The following TXNDC16 variants were observed in gnomAD, a reference collection of about 807,000 sequenced individuals.
TXNDC16 encodes thioredoxin domain-containing protein 16.
In TXNDC16, 74 loss-of-function variants were observed where a neutral mutation model predicts 85.6. The observed-to-expected ratio is 0.86, with a 90% CI of 0.72 to 1.05. The LOEUF is 1.05. Ranked by LOEUF, TXNDC16 falls within the 50% of genes least tolerant of loss-of-function variation. TXNDC16 has a pLI of 0.00. For synonymous variants in TXNDC16, 335 were observed against 326.5 expected (o/e 1.03, Z -0.28); for missense variants, 959 against 947.0 (o/e 1.01, Z -0.17).
chr14:52,437,059 G>T (rs2035045295), intron 20 of TXNDC16, among the ~76,000 whole-genome samples: 1 of 151,896 alleles, frequency 6.6e-6, no homozygotes, highest in South Asian at 2.1e-4. Flanking sequence ...CAGGCCTATT[G>T]TTGCCACAAC....
At chr14:52,526,163 T>A (rs1469956429) in intron 6 of TXNDC16, among the ~76,000 whole-genome samples, 2 of 152,126 alleles carry the variant, frequency 1.3e-5, no homozygotes, top group Non-Finnish European at 2.9e-5. Flanking sequence ...AATGAACCAC[T>A]CAATTTTACC....
intron 14 of TXNDC16, 26 bp from the exon 15 acceptor site, chr14:52,470,706 G>A (rs185253942): frequency 1.3e-6 from 2 of 1,569,624 alleles, no homozygotes; most frequent in Middle Eastern, 1.9e-4. Flanking sequence ...ATGCACATTT[G>A]TAATTACTAA....
chr14:52,474,239 G>A (rs1342380119), intron 14 of TXNDC16, among the ~76,000 whole-genome samples: 2 of 152,172 alleles, frequency 1.3e-5, no homozygotes, highest in African/African-American at 2.4e-5. Context: ...AAATGGGGTG[G>A]AGAGAGGGAT....
chr14:52,523,063 C>T (rs998457074), intron 6 of TXNDC16, among the ~76,000 whole-genome samples: 1 of 152,084 alleles, frequency 6.6e-6, no homozygotes, highest in Non-Finnish European at 1.5e-5. Context: ...TAATATATTC[C>T]TTAATATATT....
chr14:52,478,010 A>T (rs1021446760), intron 14 of TXNDC16, among the ~76,000 whole-genome samples: 1 of 152,174 alleles, frequency 6.6e-6, no homozygotes, highest in African/African-American at 2.4e-5. Context: ...AAAACTGGAA[A>T]TCAACTTCAA....
intron 8 of TXNDC16, among the ~76,000 whole-genome samples, chr14:52,512,119 G>T (rs950776877): frequency 6.6e-6 from 1 of 152,026 alleles, no homozygotes; most frequent in Non-Finnish European, 1.5e-5. Context: ...AGCTGACAAG[G>T]TTCACTGATT....
intron 6 of TXNDC16, among the ~76,000 whole-genome samples, chr14:52,530,311 AATAT>A (rs1195359864): frequency 2.0e-5 from 1 of 50,948 alleles, no homozygotes; most frequent in Non-Finnish European, 3.2e-5. Context: ...ATTAATATAT[AATAT>A]ATAATTATTT....
In TXNDC16 at chr14:52,432,573, G is replaced by T. The variant is rs1437885627; in HGVS notation, c.2209C>A (p.Gln737Lys). 1.2e-6 allele frequency: 2 copies of T among 1,605,892 alleles called. No individual in the cohort carries two copies. Among genetic ancestry groups the T allele is most frequent in the South Asian group, 2.2e-5 (2 of 89,204 alleles). ...LENHITILPA[Q>K]EWKPPLPAYD... ...GCTGGAAGAGGAGGTTTCCATTCTT[G>T]AGCAGGTAAAATTGCTGGAAGGAAG... is the stretch of plus-strand genomic sequence containing the variant. Residue 737 changes from glutamine to lysine, a missense_variant, in exon 21 of 21, where the codon CAA (glutamine) becomes AAA (lysine). Coordinates refer to ENST00000281741, the MANE Select transcript of TXNDC16 (RefSeq NM_020784.3).
chr14:52,445,560 C>G (rs909751385), intron 18 of TXNDC16, among the ~76,000 whole-genome samples: 2 of 152,188 alleles, frequency 1.3e-5, no homozygotes, highest in South Asian at 4.1e-4. Flanking sequence ...TCAGGTAACA[C>G]AGGTTACATT....
At chr14:52,479,014 C>T (rs893236654) in intron 14 of TXNDC16, among the ~76,000 whole-genome samples, 1 of 152,004 alleles carries the variant, frequency 6.6e-6, no homozygotes, top group Non-Finnish European at 1.5e-5. Context: ...TTAAAATACA[C>T]AAGTCAATAA....
At chr14:52,492,284 T>A (rs1255126759) in intron 9 of TXNDC16, among the ~76,000 whole-genome samples, 3 of 152,170 alleles carry the variant, frequency 2.0e-5, no homozygotes, top group Admixed American at 6.5e-5. Flanking sequence ...TTGGAATTTG[T>A]ATCCTTTTTG....
chr14:52,514,356 C>T (rs905956139), intron 8 of TXNDC16, among the ~76,000 whole-genome samples: 3 of 151,982 alleles, frequency 2.0e-5, no homozygotes, highest in Non-Finnish European at 1.5e-5. Context: ...ATTTTGAAGT[C>T]AAACAAAAAA....
chr14:52,440,944 C>A (rs904728021), intron 18 of TXNDC16, among the ~76,000 whole-genome samples: 1 of 152,102 alleles, frequency 6.6e-6, no homozygotes, highest in African/African-American at 2.4e-5. Context: ...TAAAACTACA[C>A]AGAATTTGAG....
intron 6 of TXNDC16, 125 bp downstream of exon 6, chr14:52,536,594 G>A (rs2037706069): frequency 1.1e-6 from 1 of 913,434 alleles, no homozygotes; most frequent in Non-Finnish European, 1.6e-6. Flanking sequence ...AGTAATTTGT[G>A]TTAAATTGTT....
chr14:52,462,281 G>C (rs546582450), intron 16 of TXNDC16, among the ~76,000 whole-genome samples: 23 of 152,122 alleles, frequency 1.5e-4, no homozygotes, highest in African/African-American at 5.5e-4. Flanking sequence ...GGCTGGTCTT[G>C]AACTCTTAGC....
chr14:52,434,267 C>T (rs903004022), intron 20 of TXNDC16, among the ~76,000 whole-genome samples: 1 of 152,202 alleles, frequency 6.6e-6, no homozygotes, highest in Admixed American at 6.5e-5. Context: ...TTAAGGTCAA[C>T]ACTGCGGCCT....
At position 52,511,229 on chromosome 14, in the gene TXNDC16, A is replaced by G; in HGVS notation, c.756+11T>C. 6.6e-7 allele frequency: 1 copy of G among 1,516,602 alleles called. No homozygotes were observed. The highest frequency in any genetic ancestry group is 8.9e-7 in the Non-Finnish European group (1 of 1,124,058). The allele number at this position is 1,516,602 out of a possible 1,614,324, so 93.9% of individuals were successfully genotyped here. On this transcript the variant is annotated intron_variant, in intron 9 of 20. Transcript: ENST00000281741. ...TAGAAAGCAAATAAAAATATAAAAT[A>G]AGACACATACCAACAGAGGTGCTTT...
chr14:52,523,026 T>A (rs2037245178), intron 6 of TXNDC16, among the ~76,000 whole-genome samples: 1 of 152,222 alleles, frequency 6.6e-6, no homozygotes, highest in African/African-American at 2.4e-5. Flanking sequence ...ATGATCCCTA[T>A]GATTTTTCCC....
At chr14:52,458,553 A>T (rs2035586254) in intron 16 of TXNDC16, among the ~76,000 whole-genome samples, 1 of 152,196 alleles carries the variant, frequency 6.6e-6, no homozygotes, top group Non-Finnish European at 1.5e-5. Flanking sequence ...TCTCAAAAAA[A>T]ATAAAAAGAG....
Sources: allele counts gnomAD v4.1 joint callset (sites outside exome capture counted in the v4.1 genomes callset), GRCh38; gene constraint gnomAD v4.1.1; transcripts MANE v1.5; gene names NCBI Gene and HGNC (gene_info 2026-07-23, HGNC 2026-07-21).